The following MAP3K13 variants were observed in gnomAD, a reference collection of about 807,000 sequenced individuals.
MAP3K13 encodes the protein mitogen-activated protein kinase kinase kinase 13.
Under a neutral mutation model 104.0 loss-of-function variants are expected in MAP3K13, and 52 were observed. That is an observed-to-expected ratio of 0.50 (90% CI 0.40 to 0.63). The LOEUF is 0.63. Ranked by LOEUF, MAP3K13 falls within the 20% of genes least tolerant of loss-of-function variation. The pLI, the probability that MAP3K13 is intolerant of heterozygous loss-of-function variation, is 0.00. For missense variants in MAP3K13, 914 were observed against 1,218.5 expected (o/e 0.75, Z 3.72); for synonymous variants, 394 against 442.2 (o/e 0.89, Z 1.37).
intron 2 of MAP3K13, among the ~76,000 whole-genome samples, chr3:185,347,061 A>G (rs951255497): frequency 3.5e-5 from 5 of 144,878 alleles, no homozygotes; most frequent in African/African-American, 1.3e-4. Context: ...ATCTCGGCTC[A>G]CTGCAACCTC....
upstream of MAP3K13, among the ~76,000 whole-genome samples, chr3:185,361,098 A>ATGTGTG (rs34760922): frequency 9.1e-4 from 134 of 146,690 alleles, no homozygotes; most frequent in African/African-American, 3.0e-3. Context: ...ATATATATAT[A>ATGTGTG]TGTGTGTGTG....
At chr3:185,410,665 T>C (rs1445867430) in intron 1 of MAP3K13, among the ~76,000 whole-genome samples, 1 of 152,146 alleles carries the variant, frequency 6.6e-6, no homozygotes, top group East Asian at 1.9e-4. Context: ...CCAGGTGTGG[T>C]GGCTCATGCC....
intron 1 of MAP3K13, among the ~76,000 whole-genome samples, chr3:185,368,317 C>T (rs192772133): frequency 6.6e-6 from 1 of 152,274 alleles, no homozygotes; most frequent in Non-Finnish European, 1.5e-5. Flanking sequence ...AGCTTTAATT[C>T]CTAGTTCTGT....
chr3:185,448,111 T>TA, intron 5 of MAP3K13, 164 bp downstream of exon 5: 1 of 833,746 alleles, frequency 1.2e-6, no homozygotes, highest in Non-Finnish European at 2.1e-6. Context: ...AGTATGGTGA[T>TA]ATATGGGGAG....
intron 1 of MAP3K13, among the ~76,000 whole-genome samples, chr3:185,373,186 C>T (rs1724242015): frequency 6.6e-6 from 1 of 152,140 alleles, no homozygotes; most frequent in African/African-American, 2.4e-5. Context: ...AGCTAAGCTT[C>T]TGGGCCTTGT....
chr3:185,442,176 C>T (rs1021661504), intron 3 of MAP3K13, among the ~76,000 whole-genome samples: 1 of 141,224 alleles, frequency 7.1e-6, no homozygotes, highest in Non-Finnish European at 1.5e-5. Flanking sequence ...GATGACAGAG[C>T]GAGACTCTTT....
At chr3:185,405,083 T>C (rs558502347) in intron 1 of MAP3K13, among the ~76,000 whole-genome samples, 2 of 152,252 alleles carry the variant, frequency 1.3e-5, no homozygotes, top group East Asian at 3.9e-4. Context: ...GTGTCATGCC[T>C]TTTTTTGCTC....
In MAP3K13 at chr3:185,463,658, A is replaced by C; in HGVS notation, c.1387A>C (p.Arg463=). 6.3e-7 allele frequency: 1 copy of C among 1,594,842 alleles called. No individual in the cohort carries two copies. The highest frequency in any genetic ancestry group is 8.6e-7 in the Non-Finnish European group (1 of 1,163,494). Residue 463 remains arginine, a splice_region_variant and synonymous_variant, in exon 8 of 14, where the codon AGG becomes CGG. Transcript: ENST00000265026. ...ELIRRRREEL[R]HALDIREHYE... is the part of the protein sequence containing the mutation. Reference sequence around the variant, plus strand: ...GATTCGAAGGCGCAGAGAAGAGCTCAGGTCAGCTCATCCCTCCTTCCCCAC... The same window carrying C: ...GATTCGAAGGCGCAGAGAAGAGCTCCGGTCAGCTCATCCCTCCTTCCCCAC...
At chr3:185,458,725 A>T (rs1716916580) in intron 7 of MAP3K13, among the ~76,000 whole-genome samples, 1 of 152,168 alleles carries the variant, frequency 6.6e-6, no homozygotes, top group Non-Finnish European at 1.5e-5. Flanking sequence ...AGTTGTTAGC[A>T]CCTGGTCTCC....
Position 185,476,922 on chromosome 3 carries a change from C to T in MAP3K13, c.2431-404C>T, listed in dbSNP as rs780899354. The T allele has an allele frequency of 1.2e-3, 378 of 314,910 alleles. 3 individuals carry two copies. The highest frequency in any genetic ancestry group is 1.9e-3 in the Non-Finnish European group (309 of 159,086). 19.5% of individuals were successfully genotyped at this position (314,910 alleles called of 1,614,324 possible). On this transcript the variant is annotated intron_variant, in intron 11 of 13. Transcript: ENST00000265026. ...TATAAAAAGGGAAAAAGTAATTGTT[C>T]GGCTTTGAGGATTTCAAAGATCAAT... is the stretch of plus-strand genomic sequence containing the variant.
chr3:185,482,709 T>C lies in MAP3K13; in HGVS notation c.*253T>C. The C allele has an allele frequency of 2.4e-6, 1 of 412,726 alleles. No homozygotes were observed. Among genetic ancestry groups the C allele is most frequent in the South Asian group, 4.7e-5 (1 of 21,382 alleles). The allele number at this position is 412,726 out of a possible 1,614,324, so 25.6% of individuals were successfully genotyped here. On this transcript the variant is annotated 3_prime_UTR_variant, in exon 14 of 14. Coordinates refer to ENST00000265026, the MANE Select transcript of MAP3K13 (RefSeq NM_004721.5). The surrounding 1 kb of genome is among the most constrained non-coding windows in gnomAD (Gnocchi z 4.5). ...TGGCAGGGATCTATTTTATTGAATA[T>C]TCTAGCTACTGTAACATTGATATTT...
intron 1 of MAP3K13, among the ~76,000 whole-genome samples, chr3:185,377,327 G>A (rs540521640): frequency 1.3e-5 from 2 of 152,240 alleles, no homozygotes; most frequent in African/African-American, 2.4e-5. Flanking sequence ...GGTTTTAATG[G>A]GATGGTAAGG....
intron 12 of MAP3K13, among the ~76,000 whole-genome samples, chr3:185,479,442 T>C (rs988151280): frequency 1.3e-5 from 2 of 152,204 alleles, no homozygotes; most frequent in Non-Finnish European, 2.9e-5. Flanking sequence ...GGAAATGAGT[T>C]AGTCCAGAGA....
At chr3:185,470,005 T>G (rs955110639) in intron 10 of MAP3K13, among the ~76,000 whole-genome samples, 2 of 152,152 alleles carry the variant, frequency 1.3e-5, no homozygotes, top group Non-Finnish European at 2.9e-5. Flanking sequence ...CCCAAGGGCT[T>G]GTACAGAGGT....
chr3:185,316,184 C>T (rs184225875), intron 2 of MAP3K13, among the ~76,000 whole-genome samples: 9 of 152,290 alleles, frequency 5.9e-5, no homozygotes, highest in Admixed American at 5.2e-4. Context: ...TGAAATTCCA[C>T]TCCCCACCTC....
intron 2 of MAP3K13, among the ~76,000 whole-genome samples, chr3:185,433,189 C>A (rs982188963): frequency 6.6e-6 from 1 of 152,216 alleles, no homozygotes; most frequent in African/African-American, 2.4e-5. Flanking sequence ...AAAGCAAGTA[C>A]TGTCATGGCC....
intron 10 of MAP3K13, among the ~76,000 whole-genome samples, chr3:185,468,887 C>T (rs1466973046): frequency 6.6e-6 from 1 of 152,170 alleles, no homozygotes; most frequent in Non-Finnish European, 1.5e-5. Context: ...CTGCCTTCTG[C>T]CTACAGTTAA....
At chr3:185,293,115 CT>C in intron 2 of MAP3K13, 1 of 859,706 alleles carries the variant, frequency 1.2e-6, no homozygotes. Flanking sequence ...TTTCCTTTTC[CT>C]TTTTCTTTTT....
chr3:185,355,247 AGATCACT>A (rs1723302302), intron 2 of MAP3K13, among the ~76,000 whole-genome samples: 1 of 152,070 alleles, frequency 6.6e-6, no homozygotes, highest in African/African-American at 2.4e-5. Flanking sequence ...TGAGGCGGGC[AGATCACT>A]TGAGGTCAGG....
Sources: allele counts gnomAD v4.1 joint callset (sites outside exome capture counted in the v4.1 genomes callset), GRCh38; gene constraint gnomAD v4.1.1; non-coding constraint Gnocchi (gnomAD v3.1); transcripts MANE v1.5; gene names NCBI Gene and HGNC (gene_info 2026-07-23, HGNC 2026-07-21).